Variants in KIAA1217 observed in about 807,000 individuals in gnomAD.
The protein encoded by KIAA1217 is sickle tail protein homolog.
KIAA1217 carries 88 observed loss-of-function variants against 163.9 expected under a neutral mutation model. The ratio of observed to expected loss-of-function variants is 0.54; its 90% confidence interval spans 0.45 to 0.64. The LOEUF (loss-of-function observed/expected upper bound fraction) is 0.64. KIAA1217 is among the 30% of genes least tolerant of loss of function. The pLI is 0.00. For synonymous variants in KIAA1217, 903 were observed against 923.1 expected (o/e 0.98, Z 0.39); for missense variants, 2,372 against 2,475.0 (o/e 0.96, Z 0.88).
At chr10:24,503,242 C>T (rs7899691) in intron 9 of KIAA1217, among the ~76,000 whole-genome samples, 10 of 151,976 alleles carry the variant, frequency 6.6e-5, no homozygotes, top group African/African-American at 1.9e-4. Flanking sequence ...TGGATCATGA[C>T]GGTTGCTAGA....
intron 1 of KIAA1217, among the ~76,000 whole-genome samples, chr10:23,825,948 G>C (rs1245942010): frequency 6.6e-6 from 1 of 152,132 alleles, no homozygotes; most frequent in African/African-American, 2.4e-5. Context: ...GATTAAATGA[G>C]ATTGCTGAGA....
At chr10:24,334,440 G>A (rs1186641202) in intron 2 of KIAA1217, among the ~76,000 whole-genome samples, 1 of 46,376 alleles carries the variant, frequency 2.2e-5, no homozygotes, top group African/African-American at 5.1e-5. Context: ...GGGAAGGATG[G>A]AAGGAAGGAA....
intron 1 of KIAA1217, among the ~76,000 whole-genome samples, chr10:23,811,023 C>G (rs1837017099): frequency 8.2e-6 from 1 of 122,256 alleles, no homozygotes; most frequent in South Asian, 2.4e-4. Flanking sequence ...AGTATATATA[C>G]TATATGATAT....
At chr10:23,832,481 T>A (rs895630545) in intron 1 of KIAA1217, among the ~76,000 whole-genome samples, 2 of 152,136 alleles carry the variant, frequency 1.3e-5, no homozygotes, top group African/African-American at 2.4e-5. Flanking sequence ...CACTGGCCAT[T>A]GGTGATCATT....
intron 6 of KIAA1217, among the ~76,000 whole-genome samples, chr10:24,475,324 C>A (rs1167824582): frequency 6.6e-6 from 1 of 152,160 alleles, no homozygotes; most frequent in Non-Finnish European, 1.5e-5. Context: ...CTATTATATA[C>A]CATGTAAAAA....
At chr10:24,492,489 G>A (rs1222509836) in intron 6 of KIAA1217, among the ~76,000 whole-genome samples, 1 of 152,166 alleles carries the variant, frequency 6.6e-6, no homozygotes, top group Non-Finnish European at 1.5e-5. Context: ...TATTACAGCA[G>A]AGAGACCATA....
intron 2 of KIAA1217, among the ~76,000 whole-genome samples, chr10:24,311,531 G>T (rs1590852386): frequency 6.6e-6 from 1 of 152,224 alleles, no homozygotes; most frequent in Non-Finnish European, 1.5e-5. Flanking sequence ...TGACCGAGCA[G>T]CTATGTAAGT....
intron 2 of KIAA1217, among the ~76,000 whole-genome samples, chr10:24,178,952 C>G (rs984326548): frequency 5.9e-5 from 9 of 152,032 alleles, no homozygotes; most frequent in African/African-American, 2.2e-4. Context: ...TTGAGCATTT[C>G]TTCCTATTAT....
chr10:23,905,800 A>T (rs1317443155), intron 1 of KIAA1217, among the ~76,000 whole-genome samples: 2 of 152,140 alleles, frequency 1.3e-5, no homozygotes, highest in East Asian at 3.9e-4. Context: ...CCATTCCCCC[A>T]AAAGTCCAAG....
At chr10:24,272,195 G>A (rs910280645) in intron 2 of KIAA1217, among the ~76,000 whole-genome samples, 1 of 152,130 alleles carries the variant, frequency 6.6e-6, no homozygotes, top group Non-Finnish European at 1.5e-5. Flanking sequence ...ATTAGATAAG[G>A]GAGATTACTA....
At chr10:24,068,862 G>C (rs75984653) in intron 2 of KIAA1217, among the ~76,000 whole-genome samples, 3,645 of 152,312 alleles carry the variant, frequency 0.024, 56 homozygotes, top group South Asian at 0.046. Context: ...TCTGTGCTGT[G>C]CTAGGAGAAG....
At chr10:24,306,921 T>C (rs2042066516) in intron 2 of KIAA1217, among the ~76,000 whole-genome samples, 1 of 152,254 alleles carries the variant, frequency 6.6e-6, no homozygotes. Context: ...TCTACTTGTC[T>C]ATTGTTCATT....
chr10:24,536,801 G>A lies in KIAA1217; in HGVS notation c.3442G>A (p.Val1148Ile), dbSNP rs140521554. The change falls in exon 17 of 21, where the codon GTA becomes ATA. Residue 1148 changes from valine to isoleucine, a missense_variant. Around this residue, in one of 3 missense-constraint regions of KIAA1217, gnomAD observed 251 missense variants for 327.3 expected, o/e 0.77. Coordinates refer to ENST00000376454, the MANE Select transcript of KIAA1217 (RefSeq NM_019590.5). ...ATTCCAGAAGTGTTCCTTTATGGAT[G>A]TAAATTCAAACAGTCATGCTGAGCC... Reference protein sequence around the residue: ...QAFQKCSFMDVNSNSHAEPSR... With the variant: ...QAFQKCSFMDINSNSHAEPSR... 6.2e-7 allele frequency: 1 copy of A among 1,613,864 alleles called. No homozygotes were observed. Among genetic ancestry groups the A allele is most frequent in the South Asian group, 1.1e-5 (1 of 91,066 alleles).
At chr10:23,981,314 G>A (rs1242625486) in intron 1 of KIAA1217, among the ~76,000 whole-genome samples, 1 of 152,154 alleles carries the variant, frequency 6.6e-6, no homozygotes, top group Non-Finnish European at 1.5e-5. Flanking sequence ...CTGCTTTGAA[G>A]TTTTAACAGC....
intron 1 of KIAA1217, among the ~76,000 whole-genome samples, chr10:23,788,808 C>T (rs1835609199): frequency 6.6e-6 from 1 of 152,162 alleles, no homozygotes; most frequent in Admixed American, 6.5e-5. Flanking sequence ...ACACAAAACA[C>T]TCACGTTATA....
chr10:23,774,678 C>T (rs531579421), intron 1 of KIAA1217, among the ~76,000 whole-genome samples: 9 of 152,124 alleles, frequency 5.9e-5, no homozygotes, highest in Admixed American at 1.3e-4. Context: ...CCCAGGCTGT[C>T]CACAAGACTG....
intron 1 of KIAA1217, among the ~76,000 whole-genome samples, chr10:23,937,344 C>T (rs889789320): frequency 6.6e-6 from 1 of 152,146 alleles, no homozygotes; most frequent in Non-Finnish European, 1.5e-5. Flanking sequence ...CACTCCCATA[C>T]CTGGCTGCTT....
intron 2 of KIAA1217, among the ~76,000 whole-genome samples, chr10:24,191,489 C>T (rs2066716270): frequency 6.6e-6 from 1 of 152,056 alleles, no homozygotes; most frequent in African/African-American, 2.4e-5. Flanking sequence ...ATGGTGCCCC[C>T]CTTCTCCATT....
At chr10:23,879,449 GAAAGCAAAGTGTAGCATATT>G (rs1320157563) in intron 1 of KIAA1217, among the ~76,000 whole-genome samples, 1 of 151,952 alleles carries the variant, frequency 6.6e-6, no homozygotes, top group Admixed American at 6.6e-5. Context: ...GAGGGATTCT[GAAAGCAAAGTGTAGCATATT>G]AAGGAAGAAG....
Sources: gnomAD v4.1 joint callset for allele counts (sites outside exome capture counted in the v4.1 genomes callset) on GRCh38, gnomAD v4.1.1 for gene constraint, gnomAD v4.1.1 regional missense constraint, MANE v1.5 for transcripts, NCBI Gene and HGNC (gene_info 2026-07-23, HGNC 2026-07-21) for gene names.